The following KHDRBS2 variants were observed in gnomAD, a reference collection of about 807,000 sequenced individuals.
KHDRBS2 encodes the protein KH RNA binding domain containing, signal transduction associated 2.
Under a neutral mutation model 44.3 loss-of-function variants are expected in KHDRBS2, and 26 were observed. That is an observed-to-expected ratio of 0.59 (90% CI 0.43 to 0.81). The LOEUF is 0.81. Among genes scored for constraint, KHDRBS2 ranks in the 40% least tolerant of loss-of-function variants. The probability of loss-of-function intolerance (pLI) is 0.00; values close to 1 mark genes in which losing one functional copy is unlikely to be tolerated. For missense variants in KHDRBS2, 476 were observed against 433.1 expected (o/e 1.10, Z -0.88); for synonymous variants, 194 against 151.1 (o/e 1.28, Z -2.08).
At chr6:61,607,547 A>AAAAAAAAAAAAG in the KHDRBS2 span, among the ~76,000 whole-genome samples, 3 of 140,216 alleles carry the variant, frequency 2.1e-5, no homozygotes, top group Non-Finnish European at 4.7e-5. Flanking sequence ...AAAAAAAAAG[A>AAAAAAAAAAAAG]TGTGTGAGAA....
intron 8 of KHDRBS2, among the ~76,000 whole-genome samples, chr6:61,692,991 C>T (rs979949315): frequency 1.3e-5 from 2 of 151,926 alleles, no homozygotes; most frequent in African/African-American, 2.4e-5. Flanking sequence ...GTCTACGATA[C>T]GACCACAATG....
intron 6 of KHDRBS2, among the ~76,000 whole-genome samples, chr6:61,812,453 T>C (rs1788264727): frequency 6.6e-6 from 1 of 152,116 alleles, no homozygotes; most frequent in African/African-American, 2.4e-5. Context: ...TGTTTTAATC[T>C]TTCCAACAAC....
intron 2 of KHDRBS2, among the ~76,000 whole-genome samples, chr6:62,073,856 C>T (rs1795801003): frequency 6.6e-6 from 1 of 151,714 alleles, no homozygotes; most frequent in Non-Finnish European, 1.5e-5. Context: ...TATTTCTCCA[C>T]TCTCTATTCC....
intron 2 of KHDRBS2, among the ~76,000 whole-genome samples, chr6:62,059,198 G>GTTTTTT (rs398001756): frequency 0.018 from 451 of 24,862 alleles, 175 homozygotes; most frequent in Admixed American, 0.03. Context: ...AAGTTAGGAA[G>GTTTTTT]TTTTTTTTTT....
intron 6 of KHDRBS2, among the ~76,000 whole-genome samples, chr6:61,860,678 A>T (rs914168633): frequency 1.3e-5 from 2 of 152,070 alleles, no homozygotes; most frequent in Non-Finnish European, 2.9e-5. Flanking sequence ...TGCAGTGGAC[A>T]TATGCATGCA....
chr6:62,258,446 T>A (rs900971819), intron 1 of KHDRBS2, among the ~76,000 whole-genome samples: 1 of 152,042 alleles, frequency 6.6e-6, no homozygotes, highest in Non-Finnish European at 1.5e-5. Flanking sequence ...TACTTACGTA[T>A]GAACAGGTGT....
At chr6:62,283,685 G>T (rs571471897) in intron 1 of KHDRBS2, among the ~76,000 whole-genome samples, 2 of 152,020 alleles carry the variant, frequency 1.3e-5, no homozygotes, top group Non-Finnish European at 2.9e-5. Flanking sequence ...GAAACTAAGC[G>T]TGGACATCTT....
the KHDRBS2 span, among the ~76,000 whole-genome samples, chr6:61,673,537 C>T: frequency 6.9e-6 from 1 of 145,502 alleles, no homozygotes. Flanking sequence ...ATCGTCTCAG[C>T]CCAAAATCTC....
chr6:62,250,823 GGGGT>G (rs1358483185), intron 1 of KHDRBS2, among the ~76,000 whole-genome samples: 6 of 151,892 alleles, frequency 4.0e-5, no homozygotes, highest in South Asian at 2.1e-4. Flanking sequence ...TATTTAAAAA[GGGGT>G]GATAAAATGT....
intron 1 of KHDRBS2, among the ~76,000 whole-genome samples, chr6:62,274,038 C>A (rs756849135): frequency 3.3e-5 from 5 of 152,108 alleles, no homozygotes; most frequent in Admixed American, 1.3e-4. Flanking sequence ...TGGGTTCAAT[C>A]AATTCTCCTG....
chr6:62,109,337 G>T (rs773523237), intron 2 of KHDRBS2, among the ~76,000 whole-genome samples: 1 of 151,780 alleles, frequency 6.6e-6, no homozygotes, highest in Non-Finnish European at 1.5e-5. Flanking sequence ...TAGAAAAAAT[G>T]AAAATTCCTT....
chr6:62,110,799 G>T (rs1297420785), intron 2 of KHDRBS2, among the ~76,000 whole-genome samples: 3 of 151,878 alleles, frequency 2.0e-5, no homozygotes, highest in African/African-American at 4.8e-5. Flanking sequence ...CATTATTTTG[G>T]TTGTAGTAAT....
intron 5 of KHDRBS2, among the ~76,000 whole-genome samples, chr6:61,895,805 A>G (rs2127335463): frequency 6.6e-6 from 1 of 152,304 alleles, no homozygotes; most frequent in South Asian, 2.1e-4. Flanking sequence ...GATGTCAACA[A>G]TCACAGTATT....
In KHDRBS2 at chr6:61,945,115, A is replaced by G. The variant is rs1279496110; in HGVS notation, c.483+32951T>C. ...TAAAAAAAAAAAAAAAAAAAAAAGT[A>G]TATATATATATATATATATATATAT... On this transcript the variant is annotated intron_variant, in intron 4 of 8. Transcript: ENST00000281156. Among the ~76,000 whole-genome samples the G allele has an allele frequency of 1.7e-3, 89 of 52,530 alleles. 7 individuals are homozygous for G. The highest frequency in any genetic ancestry group is 6.0e-3 in the African/African-American group (74 of 12,426). The allele number at this position is 52,530 out of a possible 152,430, so 34.5% of individuals were successfully genotyped here.
intron 4 of KHDRBS2, among the ~76,000 whole-genome samples, chr6:61,956,066 G>A (rs548136893): frequency 1.1e-4 from 17 of 151,972 alleles, no homozygotes; most frequent in South Asian, 2.1e-4. Context: ...GGTGGTGTGC[G>A]TCTGTATTCC....
intron 2 of KHDRBS2, among the ~76,000 whole-genome samples, chr6:62,158,109 C>T (rs1489545365): frequency 1.3e-5 from 2 of 152,078 alleles, no homozygotes; most frequent in Non-Finnish European, 2.9e-5. Context: ...CCATTTCATC[C>T]CTATTCTTAT....
chr6:61,828,924 A>C (rs979605648), intron 6 of KHDRBS2, among the ~76,000 whole-genome samples: 7 of 152,216 alleles, frequency 4.6e-5, no homozygotes, highest in African/African-American at 1.7e-4. Context: ...TGTTGAAAGC[A>C]TTTCTCTTCA....
chr6:62,123,813 T>G (rs1354102543), intron 2 of KHDRBS2, among the ~76,000 whole-genome samples: 1 of 152,228 alleles, frequency 6.6e-6, no homozygotes, highest in Admixed American at 6.5e-5. Flanking sequence ...CTGGGACCTG[T>G]GGACACTTAT....
chr6:62,098,249 T>G (rs1456966209), intron 2 of KHDRBS2, among the ~76,000 whole-genome samples: 1 of 151,626 alleles, frequency 6.6e-6, no homozygotes, highest in Non-Finnish European at 1.5e-5. Context: ...CAAACGTTTT[T>G]TTTTTTTTTT....
Sources: allele counts gnomAD v4.1 joint callset (sites outside exome capture counted in the v4.1 genomes callset), GRCh38; gene constraint gnomAD v4.1.1; transcripts MANE v1.5; gene names NCBI Gene and HGNC (gene_info 2026-07-23, HGNC 2026-07-21).